The following HOXB3 variants were observed in gnomAD, a reference collection of about 807,000 sequenced individuals.
HOXB3 encodes the protein homeobox protein Hox-B3.
HOXB3 carries 17 observed loss-of-function variants against 29.2 expected under a neutral mutation model. The ratio of observed to expected loss-of-function variants is 0.58; its 90% CI spans 0.40 to 0.87. The LOEUF (loss-of-function observed/expected upper bound fraction) is 0.87. Ranked by LOEUF, HOXB3 falls within the 40% of genes least tolerant of loss-of-function variation. The pLI is 0.00. For synonymous variants in HOXB3, 317 were observed against 285.9 expected (o/e 1.11, Z -1.10); for missense variants, 637 against 616.3 (o/e 1.03, Z -0.35).
intron 2 of HOXB3, chr17:48,556,422 T>G (rs927964195): frequency 6.6e-6 from 1 of 152,124 alleles, no homozygotes; most frequent in Admixed American, 6.5e-5. Flanking sequence ...ACCCTCACAC[T>G]CTGGCTCCCT....
At position 48,554,727 on chromosome 17, in the gene HOXB3, C is replaced by A; in HGVS notation, c.-159+804G>T. 2 of 702,368 alleles carry A rather than the reference C, an allele frequency of 2.8e-6. No individual in the cohort carries two copies. The highest frequency in any genetic ancestry group is 5.2e-6 in the Non-Finnish European group (2 of 384,820). The allele number at this position is 702,368 out of a possible 1,614,324, so 43.5% of individuals were successfully genotyped here. A position where few individuals can be genotyped will look rare whatever the true frequency, so the allele number is the denominator to read the frequency against. On this transcript the variant is annotated intron_variant, in intron 3 of 4. Transcript: ENST00000498678. The surrounding 1 kb of genome is among the most constrained non-coding windows in gnomAD (Gnocchi z 4.1). ...GCACACCAGCCGGCCGAGGGCCGAG[C>A]CCCGCGGGCGGCAGCAAGTTTTGGG...
Position 48,554,540 on chromosome 17 carries a change from T to G in HOXB3, c.-159+991A>C. The G allele has an allele frequency of 2.9e-6, 2 of 683,640 alleles. No individual in the cohort carries two copies. The highest frequency in any genetic ancestry group is 3.0e-5 in the South Asian group (2 of 65,888). 42.3% of individuals were successfully genotyped at this position (683,640 alleles called of 1,614,324 possible). A position where few individuals can be genotyped will look rare whatever the true frequency, so the allele number is the denominator to read the frequency against. On this transcript the variant is annotated intron_variant, in intron 3 of 4. Transcript: ENST00000498678. The surrounding 1 kb of genome is among the most constrained non-coding windows in gnomAD (Gnocchi z 4.1). ...TGGTGCAGACAGGGCTGGGAAGGTT[T>G]GTGCACCCGGGTAGTCCCTGGCTGC...
chr17:48,574,045 C>T lies in HOXB3; in HGVS notation c.-424-31G>A, dbSNP rs561156433. 3.4e-5 allele frequency: 20 copies of T among 591,592 alleles called. No individual in the cohort carries two copies. The East Asian group carries it at 4.8e-4, about 14-fold the overall frequency. 36.6% of individuals were successfully genotyped at this position (591,592 alleles called of 1,614,324 possible). A position where few individuals can be genotyped will look rare whatever the true frequency, so the allele number is the denominator to read the frequency against. Reference sequence around the variant, plus strand: ...GAATAATAACAAAGGAGAGAGGATACGTATTTAAAGAAAAGAAGTGATTAA... The same window carrying T: ...GAATAATAACAAAGGAGAGAGGATATGTATTTAAAGAAAAGAAGTGATTAA... On this transcript the variant is annotated intron_variant, in intron 1 of 4. Transcript: ENST00000498678.
At chr17:48,561,155 G>A (rs988371277) in intron 2 of HOXB3, among the ~76,000 whole-genome samples, 63 of 142,728 alleles carry the variant, frequency 4.4e-4, no homozygotes, top group Non-Finnish European at 7.8e-4. Flanking sequence ...ACTCCAGCCT[G>A]GGCAACAAGA....
intron 1 of HOXB3, among the ~76,000 whole-genome samples, chr17:48,585,279 C>T (rs2070025084): frequency 6.6e-6 from 1 of 152,194 alleles, no homozygotes; most frequent in African/African-American, 2.4e-5. Context: ...TTTTGACACC[C>T]GAGTGGGGCC....
At chr17:48,577,780 A>G in intron 1 of HOXB3, 1 of 1,166,076 alleles carries the variant, frequency 8.6e-7, no homozygotes, top group East Asian at 3.1e-5. Context: ...CCCCAGCTCA[A>G]CCCCCCCCCA....
At chr17:48,580,069 G>A in intron 1 of HOXB3, 1 of 401,606 alleles carries the variant, frequency 2.5e-6, no homozygotes, top group Middle Eastern at 3.5e-4. Flanking sequence ...ACAGAAAAAG[G>A]CAGTGCGAGT....
At position 48,554,142 on chromosome 17, in the gene HOXB3, T is replaced by C. The variant is rs1282246589; in HGVS notation, c.-159+1389A>G. 2.4e-5 allele frequency: 4 copies of C among 167,722 alleles called. No individual in the cohort carries two copies. Among genetic ancestry groups the C allele is most frequent in the Non-Finnish European group, 5.2e-5 (4 of 76,346 alleles). 10.4% of individuals were successfully genotyped at this position (167,722 alleles called of 1,614,324 possible). A position where few individuals can be genotyped will look rare whatever the true frequency, so the allele number is the denominator to read the frequency against. ...CAATTGACCAGGCTGACCCAATCCCTTTATTATTATTACCATTAGCCTCTG... is the reference window on the plus strand; with the variant it reads ...CAATTGACCAGGCTGACCCAATCCCCTTATTATTATTACCATTAGCCTCTG... On this transcript the variant is annotated intron_variant, in intron 3 of 4. Transcript: ENST00000498678. The surrounding 1 kb of genome is among the most constrained non-coding windows in gnomAD (Gnocchi z 4.1).
intron 3 of HOXB3, chr17:48,553,893 T>G (rs2068862421): frequency 6.6e-6 from 1 of 152,260 alleles, no homozygotes; most frequent in Non-Finnish European, 1.5e-5. Context: ...TGGAAAACTT[T>G]AATCTCATTC....
chr17:48,581,389 G>A (rs1219562889), intron 1 of HOXB3: 1 of 152,252 alleles, frequency 6.6e-6, no homozygotes, highest in African/African-American at 2.4e-5. Flanking sequence ...GGTAATCTCA[G>A]ACCCCCATCT....
rs545647756 is a variant in HOXB3 at position 48,568,766 on chromosome 17, AAGAG to A, written c.-247+5067_-247+5070del. Among the ~76,000 whole-genome samples, 53 of 151,960 alleles carry A rather than the reference AAGAG, an allele frequency of 3.5e-4. No individual in the cohort carries two copies. The South Asian group carries it at 0.011, about 31-fold the overall frequency. ...AGAGAGGGAGAGGGAGGGAGGGAGA[AAGAG>A]AGAGAGAGAAAAGAAGAATATTCCT... On this transcript the variant is annotated intron_variant, in intron 2 of 4. Transcript: ENST00000498678.
At chr17:48,579,816 A>G in intron 1 of HOXB3, 1 of 457,862 alleles carries the variant, frequency 2.2e-6, no homozygotes, top group South Asian at 1.7e-5. Flanking sequence ...ATATATATAT[A>G]TTTTTTTCTT....
At chr17:48,573,194 T>C (rs1293943588) in intron 2 of HOXB3, among the ~76,000 whole-genome samples, 5 of 152,032 alleles carry the variant, frequency 3.3e-5, no homozygotes, top group Non-Finnish European at 7.4e-5. Context: ...AGAAGAGAAA[T>C]ATTTCTGCAT....
At chr17:48,565,799 C>T (rs1015643613) in intron 2 of HOXB3, among the ~76,000 whole-genome samples, 2 of 152,208 alleles carry the variant, frequency 1.3e-5, no homozygotes, top group Non-Finnish European at 2.9e-5. Context: ...AATTGTGGGG[C>T]TCCTTCCTCC....
chr17:48,581,379 G>A (rs2069932002), intron 1 of HOXB3: 1 of 152,218 alleles, frequency 6.6e-6, no homozygotes, highest in Non-Finnish European at 1.5e-5. Context: ...GGGTCCAATA[G>A]GTAATCTCAG....
chr17:48,559,146 AC>A (rs2144791496), intron 2 of HOXB3, among the ~76,000 whole-genome samples: 1 of 151,816 alleles, frequency 6.6e-6, no homozygotes, highest in East Asian at 1.9e-4. Flanking sequence ...TCTCTCCCCC[AC>A]CCCACTGGGT....
chr17:48,551,132 ACCACTGCCT>A lies in HOXB3; in HGVS notation c.489_497del (p.Ser168_Gly170del), dbSNP rs2068720472. ...CGCCGCCGCCACCGCCCCCGCTGCC[ACCACTGCCT>A]CCGCCGCCGCCGCCACCGCCGCCGC... On this transcript the variant is annotated inframe_deletion, in exon 5 of 5. Transcript: ENST00000498678. The A allele has an allele frequency of 6.1e-6, 8 of 1,319,714 alleles. No individual in the cohort carries two copies. The highest frequency in any genetic ancestry group is 3.2e-5 in the Admixed American group (1 of 31,656). The allele number at this position is 1,319,714 out of a possible 1,614,324, so 81.8% of individuals were successfully genotyped here.
At chr17:48,569,272 C>A (rs968469096) in intron 2 of HOXB3, among the ~76,000 whole-genome samples, 1 of 152,120 alleles carries the variant, frequency 6.6e-6, no homozygotes, top group East Asian at 1.9e-4. Flanking sequence ...TGACCTTCCC[C>A]TTCAGGAGGA....
intron 1 of HOXB3, chr17:48,578,470 T>C: frequency 1.0e-6 from 1 of 984,356 alleles, no homozygotes; most frequent in Non-Finnish European, 1.4e-6. Context: ...CCGCCTGCGA[T>C]TCCCGGATAA....
Sources: gnomAD v4.1 joint callset for allele counts (sites outside exome capture counted in the v4.1 genomes callset) on GRCh38, gnomAD v4.1.1 for gene constraint, Gnocchi (gnomAD v3.1) non-coding constraint, MANE v1.5 for transcripts, NCBI Gene and HGNC (gene_info 2026-07-23, HGNC 2026-07-21) for gene names.